Variants in TET1 observed in about 807,000 individuals in gnomAD.
The protein encoded by TET1 is tet methylcytosine dioxygenase 1.
A neutral mutation model predicts 148.7 loss-of-function variants in TET1; 13 were observed. The observed-to-expected ratio is 0.09, with a 90% CI of 0.06 to 0.14. The LOEUF (loss-of-function observed/expected upper bound fraction) is 0.14. Among genes scored for constraint, TET1 ranks in the 10% least tolerant of loss-of-function variants. TET1 has a pLI of 1.00. For synonymous variants in TET1, 907 were observed against 937.2 expected (o/e 0.97, Z 0.59); for missense variants, 2,182 against 2,553.8 (o/e 0.85, Z 3.14).
chr10:68,646,347 T>C lies in TET1; in HGVS notation c.3618T>C (p.Phe1206=), dbSNP rs757434667. Residue 1206 remains phenylalanine, a synonymous_variant, in exon 4 of 12, where the codon TTT becomes TTC. Coordinates refer to ENST00000373644, the MANE Select transcript of TET1 (RefSeq NM_030625.3). ...QNFGQFCPHD[F]PTVFGKISSS... ...TTGGGCAATTTTGTCCACATGATTT[T>C]CCTACTGTATTTGGGAAAATTTCTT... 2 of 1,614,088 alleles carry C rather than the reference T, an allele frequency of 1.2e-6. No individual in the cohort carries two copies. The highest frequency in any genetic ancestry group is 1.7e-6 in the Non-Finnish European group (2 of 1,180,050).
chr10:68,589,740 C>T (rs906595093), intron 2 of TET1, among the ~76,000 whole-genome samples: 1 of 148,670 alleles, frequency 6.7e-6, no homozygotes, highest in African/African-American at 2.5e-5. Flanking sequence ...AGTGACATCT[C>T]AGCTCACTAC....
rs757120908 is a variant in TET1 at position 68,572,358 on chromosome 10, C to T, written c.20C>T (p.Ala7Val). MSRSRH[A>V]RPSRLVRKED... is the part of the protein sequence containing the mutation. ...GTAGCTATGTCTCGATCCCGCCATG[C>T]AAGGCCTTCCAGATTAGTCAGGAAG... The change falls in exon 2 of 12, where the codon GCA becomes GTA. Residue 7 changes from alanine to valine, a missense_variant. Around this residue, in one of 11 missense-constraint regions of TET1, gnomAD observed 665 missense variants for 672.4 expected, o/e 0.99. Coordinates refer to ENST00000373644, the MANE Select transcript of TET1 (RefSeq NM_030625.3). 5 of 1,604,270 alleles carry T rather than the reference C, an allele frequency of 3.1e-6. 1 individual carries two copies. In the South Asian group the frequency reaches 4.5e-5, roughly 14 times the overall value.
chr10:68,569,753 G>A (rs2795904), intron 1 of TET1, among the ~76,000 whole-genome samples: 7,077 of 151,960 alleles, frequency 0.047, 209 homozygotes, highest in South Asian at 0.081. Context: ...ACTGCAGCCT[G>A]GGCAACAGGG....
intron 6 of TET1, among the ~76,000 whole-genome samples, chr10:68,654,444 C>T (rs925734971): frequency 2.1e-4 from 32 of 151,896 alleles, no homozygotes; most frequent in African/African-American, 7.3e-4. Context: ...GGTGAAACCC[C>T]GTCTCTACTA....
chr10:68,617,898 C>T (rs930172215), intron 3 of TET1, among the ~76,000 whole-genome samples: 9 of 151,850 alleles, frequency 5.9e-5, no homozygotes, highest in African/African-American at 1.9e-4. Context: ...GTTACCTTTA[C>T]GTCATCTTGA....
At chr10:68,677,313 T>C (rs2055375041) in intron 8 of TET1, among the ~76,000 whole-genome samples, 1 of 152,176 alleles carries the variant, frequency 6.6e-6, no homozygotes, top group Non-Finnish European at 1.5e-5. Context: ...AGTCCTGATT[T>C]AACTCCTTCT....
At chr10:68,665,913 A>T (rs1038537582) in intron 6 of TET1, among the ~76,000 whole-genome samples, 20 of 152,200 alleles carry the variant, frequency 1.3e-4, no homozygotes, top group Non-Finnish European at 1.5e-5. Flanking sequence ...TAACTTCTTA[A>T]GAAGTTTCAT....
chr10:68,599,480 G>C (rs775759168), intron 2 of TET1, among the ~76,000 whole-genome samples: 159 of 152,358 alleles, frequency 1.0e-3, no homozygotes, highest in Middle Eastern at 6.8e-3. Context: ...GGGGTCGTGG[G>C]GGGCACGGCT....
intron 4 of TET1, 58 bp from the exon 5 acceptor site, chr10:68,651,788 C>A: frequency 7.7e-7 from 1 of 1,296,350 alleles, no homozygotes; most frequent in South Asian, 1.4e-5. Flanking sequence ...AGTAGCTTCT[C>A]CTGTCCCCTA....
chr10:68,662,531 T>A (rs1282881361), intron 6 of TET1, among the ~76,000 whole-genome samples: 1 of 152,164 alleles, frequency 6.6e-6, no homozygotes, highest in Admixed American at 6.6e-5. Context: ...TTTTTTAGGT[T>A]ATCTTCTATT....
chr10:68,580,509 G>A (rs1378135671), intron 2 of TET1, among the ~76,000 whole-genome samples: 1 of 149,834 alleles, frequency 6.7e-6, no homozygotes, highest in Non-Finnish European at 1.5e-5. Context: ...GCCGGGCACG[G>A]TGGCTCATGC....
chr10:68,664,111 G>C (rs2055161270), intron 6 of TET1, among the ~76,000 whole-genome samples: 1 of 152,004 alleles, frequency 6.6e-6, no homozygotes, highest in South Asian at 2.1e-4. Context: ...AGGATAACAG[G>C]CATGAGCCAC....
intron 3 of TET1, among the ~76,000 whole-genome samples, chr10:68,611,763 G>T (rs1304615013): frequency 2.1e-5 from 3 of 145,464 alleles, no homozygotes; most frequent in Non-Finnish European, 4.5e-5. Context: ...GTAATGGTGC[G>T]ATCTCCGCTC....
intron 4 of TET1, among the ~76,000 whole-genome samples, chr10:68,650,225 C>G (rs568263975): frequency 6.6e-6 from 1 of 152,104 alleles, no homozygotes; most frequent in African/African-American, 2.4e-5. Flanking sequence ...CAAATTGTCA[C>G]GACCAAAAAT....
At chr10:68,601,752 G>A (rs1250470364) in intron 3 of TET1, among the ~76,000 whole-genome samples, 1 of 152,154 alleles carries the variant, frequency 6.6e-6, no homozygotes, top group Non-Finnish European at 1.5e-5. Flanking sequence ...ACGAATAGGT[G>A]CTTATGTGTT....
At chr10:68,580,782 C>CAAAAAA (rs71483915) in intron 2 of TET1, among the ~76,000 whole-genome samples, 3 of 95,294 alleles carry the variant, frequency 3.1e-5, no homozygotes, top group Admixed American at 1.3e-4. Flanking sequence ...AACTCCATCT[C>CAAAAAA]AAAAAAAAAA....
At chr10:68,567,759 T>TAA (rs200032501) in intron 1 of TET1, among the ~76,000 whole-genome samples, 3 of 145,458 alleles carry the variant, frequency 2.1e-5, no homozygotes, top group South Asian at 2.1e-4. Context: ...TCTTAAAAAT[T>TAA]AAAAAAAAAA....
intron 3 of TET1, among the ~76,000 whole-genome samples, chr10:68,643,808 G>A (rs561893176): frequency 7.1e-4 from 108 of 151,232 alleles, no homozygotes; most frequent in African/African-American, 2.3e-3. Flanking sequence ...GCAAGACCCC[G>A]TCTGAAAAAA....
intron 2 of TET1, among the ~76,000 whole-genome samples, chr10:68,598,164 G>T (rs544075971): frequency 6.6e-6 from 1 of 152,184 alleles, no homozygotes. Flanking sequence ...CAAGGTGGGC[G>T]GCCCACCTGA....
Sources: gnomAD v4.1 joint callset for allele counts (sites outside exome capture counted in the v4.1 genomes callset) on GRCh38, gnomAD v4.1.1 for gene constraint, gnomAD v4.1.1 regional missense constraint, MANE v1.5 for transcripts, NCBI Gene and HGNC (gene_info 2026-07-23, HGNC 2026-07-21) for gene names.